EPB41L3: variants seen among roughly 807,000 people sequenced by gnomAD.
EPB41L3 encodes the protein erythrocyte membrane protein band 4.1 like 3, also known as band 4.1-like protein 3.
In EPB41L3, 57 loss-of-function variants were observed where a neutral mutation model predicts 127.1. The observed-to-expected ratio is 0.45, with a 90% CI of 0.36 to 0.56. The LOEUF is 0.56. Among genes scored for constraint, EPB41L3 ranks in the 20% least tolerant of loss-of-function variants. The probability of loss-of-function intolerance (pLI) is 0.00; values close to 1 mark genes in which losing one functional copy is unlikely to be tolerated. For synonymous variants in EPB41L3, 572 were observed against 549.5 expected (o/e 1.04, Z -0.57); for missense variants, 1,273 against 1,372.2 (o/e 0.93, Z 1.14).
intron 3 of EPB41L3, among the ~76,000 whole-genome samples, chr18:5,454,330 C>T (rs1693733607): frequency 6.6e-6 from 1 of 151,442 alleles, no homozygotes; most frequent in African/African-American, 2.4e-5. Context: ...TTAGAAAGGG[C>T]TGGAGCTGGG....
At chr18:5,561,178 C>T (rs1313668617) in intron 3 of EPB41L3, among the ~76,000 whole-genome samples, 3 of 151,646 alleles carry the variant, frequency 2.0e-5, no homozygotes, top group Non-Finnish European at 2.9e-5. Context: ...GGGGTTTCAC[C>T]GTATTAGCCA....
Position 5,399,110 on chromosome 18 carries a change from T to G in EPB41L3, c.2350-967A>C, listed in dbSNP as rs146055245. On this transcript the variant is annotated intron_variant, in intron 16 of 22. Coordinates refer to ENST00000341928, the MANE Select transcript of EPB41L3 (RefSeq NM_012307.5). ...AGGGCTGCTCCACTTTCTCACCCTC[T>G]TTAGCTTTCCCAGTCATAGTAACAA... 1,156 of 399,154 alleles carry G rather than the reference T, an allele frequency of 2.9e-3. 6 individuals are homozygous for G. Among genetic ancestry groups the G allele is most frequent in the Non-Finnish European group, 4.6e-3 (1,042 of 226,112 alleles). The allele number at this position is 399,154 out of a possible 1,614,324, so 24.7% of individuals were successfully genotyped here. A position where few individuals can be genotyped will look rare whatever the true frequency, so the allele number is the denominator to read the frequency against.
chr18:5,463,262 T>C (rs1359637129), intron 3 of EPB41L3, among the ~76,000 whole-genome samples: 3 of 152,198 alleles, frequency 2.0e-5, no homozygotes, highest in Non-Finnish European at 4.4e-5. Flanking sequence ...ATGAGCCAAA[T>C]AACTCCCCTA....
At chr18:5,451,438 A>C (rs943886740) in intron 3 of EPB41L3, among the ~76,000 whole-genome samples, 1 of 152,152 alleles carries the variant, frequency 6.6e-6, no homozygotes, top group Non-Finnish European at 1.5e-5. Flanking sequence ...TCTCTGAAGC[A>C]TTTCCTGTCT....
At chr18:5,608,454 T>C (rs2094688169) in intron 3 of EPB41L3, among the ~76,000 whole-genome samples, 2 of 152,128 alleles carry the variant, frequency 1.3e-5, no homozygotes, top group African/African-American at 4.8e-5. Context: ...CATCATACAC[T>C]GCAACAGAGT....
At chr18:5,500,000 G>C (rs1366936893) in intron 1 of EPB41L3, among the ~76,000 whole-genome samples, 6 of 151,988 alleles carry the variant, frequency 3.9e-5, no homozygotes, top group Non-Finnish European at 7.4e-5. Context: ...GAATGGCACT[G>C]AGTCTGCTTT....
In EPB41L3 at chr18:5,434,070, G is replaced by A; in HGVS notation, c.657C>T (p.Pro219=). The change falls in exon 7 of 23, where the codon CCC becomes CCT. Residue 219 remains proline, a synonymous_variant. Coordinates refer to ENST00000341928, the MANE Select transcript of EPB41L3 (RefSeq NM_012307.5). ...GCAAGGCCAGGGTAACAAAGGAGCAGGGCAGCCTTCCGGACACGATGTCAT... is the reference window on the plus strand; with the variant it reads ...GCAAGGCCAGGGTAACAAAGGAGCAAGGCAGCCTTCCGGACACGATGTCAT... ...LRDDIVSGRL[P]CSFVTLALLG... is the part of the protein sequence containing the mutation. 6 of 1,614,122 alleles carry A rather than the reference G, an allele frequency of 3.7e-6. No individual in the cohort carries two copies. Among genetic ancestry groups the A allele is most frequent in the Non-Finnish European group, 5.1e-6 (6 of 1,180,024 alleles).
Position 5,433,790 on chromosome 18 carries a change from A to G in EPB41L3, c.824+113T>C. On this transcript the variant is annotated intron_variant, in intron 7 of 22. Transcript: ENST00000341928. Reference sequence around the variant, plus strand: ...ATTTTACTGTGCATGGACCCACACTATGCTCACGTCTCGCCGTTAATGGAC... The same window carrying G: ...ATTTTACTGTGCATGGACCCACACTGTGCTCACGTCTCGCCGTTAATGGAC... 3.4e-6 allele frequency: 4 copies of G among 1,192,488 alleles called. 1 individual carries two copies. The South Asian group carries it at 5.3e-5, about 16-fold the overall frequency. 73.9% of individuals were successfully genotyped at this position (1,192,488 alleles called of 1,614,324 possible).
chr18:5,427,253 C>T (rs1987728), intron 9 of EPB41L3, among the ~76,000 whole-genome samples: 111,539 of 152,040 alleles, frequency 0.73, 41,464 homozygotes, highest in Non-Finnish European at 0.8. Context: ...AATTCTATAT[C>T]ATATCAGAAA....
chr18:5,513,161 C>T (rs570721176), intron 1 of EPB41L3, among the ~76,000 whole-genome samples: 53 of 152,242 alleles, frequency 3.5e-4, no homozygotes, highest in African/African-American at 1.2e-3. Context: ...CAGCCTGGGT[C>T]CCTCCATTAT....
chr18:5,531,042 C>G (rs565135367), intron 1 of EPB41L3, among the ~76,000 whole-genome samples: 1 of 152,190 alleles, frequency 6.6e-6, no homozygotes, highest in Non-Finnish European at 1.5e-5. Flanking sequence ...CTTTCCAGCT[C>G]TACTCCCTGA....
At chr18:5,567,414 C>A (rs1381853478) in intron 3 of EPB41L3, 3 of 152,204 alleles carry the variant, frequency 2.0e-5, no homozygotes, top group Admixed American at 2.0e-4. Flanking sequence ...TTTTAAGTTT[C>A]TCCTTTCAAT....
At chr18:5,458,446 G>C (rs1311378553) in intron 3 of EPB41L3, among the ~76,000 whole-genome samples, 1 of 152,086 alleles carries the variant, frequency 6.6e-6, no homozygotes, top group Non-Finnish European at 1.5e-5. Flanking sequence ...AGAGGTCTTG[G>C]CTAAACTGTA....
intron 1 of EPB41L3, among the ~76,000 whole-genome samples, chr18:5,515,799 A>G (rs567617145): frequency 6.6e-6 from 1 of 152,322 alleles, no homozygotes; most frequent in East Asian, 1.9e-4. Context: ...AAATGAAAAC[A>G]TTTTCAAAAC....
chr18:5,398,676 G>A (rs2073998696), intron 16 of EPB41L3: 1 of 399,874 alleles, frequency 2.5e-6, no homozygotes, highest in Non-Finnish European at 4.4e-6. Flanking sequence ...GGATGACTCA[G>A]TAACGTAATG....
chr18:5,561,250 T>A (rs1337281556), intron 3 of EPB41L3, among the ~76,000 whole-genome samples: 6 of 152,170 alleles, frequency 3.9e-5, no homozygotes, highest in Middle Eastern at 3.2e-3. Context: ...GTGCTGGGAT[T>A]ATAGGCGTGA....
intron 1 of EPB41L3, among the ~76,000 whole-genome samples, chr18:5,536,609 G>GCCT (rs1317246192): frequency 6.6e-6 from 1 of 151,032 alleles, no homozygotes; most frequent in African/African-American, 2.4e-5. Flanking sequence ...TTCGAGACCA[G>GCCT]CCTTGCCAAC....
chr18:5,607,940 G>A (rs922229503), intron 3 of EPB41L3, among the ~76,000 whole-genome samples: 12 of 152,136 alleles, frequency 7.9e-5, no homozygotes, highest in Non-Finnish European at 1.8e-4. Context: ...TGGCTAAAAG[G>A]AAATGTGTCT....
At chr18:5,551,809 T>C (rs1365109796) in intron 3 of EPB41L3, among the ~76,000 whole-genome samples, 4 of 152,200 alleles carry the variant, frequency 2.6e-5, no homozygotes, top group Non-Finnish European at 4.4e-5. Flanking sequence ...CTGTTTCGTG[T>C]ACATTTGAAA....
Sources: allele counts gnomAD v4.1 joint callset (sites outside exome capture counted in the v4.1 genomes callset), GRCh38; gene constraint gnomAD v4.1.1; transcripts MANE v1.5; gene names NCBI Gene and HGNC (gene_info 2026-07-23, HGNC 2026-07-21).